TTC28: variants seen among roughly 807,000 people sequenced by gnomAD.
TTC28 encodes tetratricopeptide repeat protein 28.
In TTC28, 61 loss-of-function variants were observed where a neutral mutation model predicts 198.0. The ratio of observed to expected loss-of-function variants is 0.31; its 90% CI spans 0.25 to 0.38. The LOEUF (loss-of-function observed/expected upper bound fraction) is 0.38. TTC28 is among the 10% of genes least tolerant of loss of function. The pLI, the probability that TTC28 is intolerant of heterozygous loss-of-function variation, is 1.00. For synonymous variants in TTC28, 1,171 were observed against 1,297.8 expected (o/e 0.90, Z 2.10); for missense variants, 2,678 against 3,164.0 (o/e 0.85, Z 3.69).
At chr22:28,621,419 C>T (rs1382666204) in intron 2 of TTC28, among the ~76,000 whole-genome samples, 1 of 151,810 alleles carries the variant, frequency 6.6e-6, no homozygotes, top group Non-Finnish European at 1.5e-5. Context: ...ATATGAAATA[C>T]ATTTAAGAAA....
chr22:28,158,448 C>A (rs974985906), intron 6 of TTC28, among the ~76,000 whole-genome samples: 2 of 152,020 alleles, frequency 1.3e-5, no homozygotes, highest in African/African-American at 4.8e-5. Flanking sequence ...CCCAGAATAG[C>A]CAAAGCTATC....
chr22:28,634,513 A>C (rs1051791593), intron 1 of TTC28, among the ~76,000 whole-genome samples: 1 of 151,372 alleles, frequency 6.6e-6, no homozygotes, highest in African/African-American at 2.4e-5. Context: ...CTCAAAAAAA[A>C]AAAAAAAAAA....
At chr22:27,990,137 G>C in intron 20 of TTC28, 130 bp from the exon 21 acceptor site, 1 of 1,260,050 alleles carries the variant, frequency 7.9e-7, no homozygotes, top group Non-Finnish European at 1.1e-6. Context: ...TGTAGCATTT[G>C]AGATTCTTTT....
intron 2 of TTC28, among the ~76,000 whole-genome samples, chr22:28,619,772 G>A (rs114208111): frequency 6.6e-6 from 1 of 152,140 alleles, no homozygotes; most frequent in African/African-American, 2.4e-5. Context: ...GTCCCTATCA[G>A]AGCAACATAA....
chr22:28,368,865 T>C (rs2046286612), intron 2 of TTC28, among the ~76,000 whole-genome samples: 2 of 151,946 alleles, frequency 1.3e-5, no homozygotes, highest in Admixed American at 6.6e-5. Context: ...ATGGAAACTA[T>C]AAAACACTGA....
At chr22:28,035,410 A>G (rs1297995801) in intron 12 of TTC28, among the ~76,000 whole-genome samples, 1 of 152,212 alleles carries the variant, frequency 6.6e-6, no homozygotes, top group East Asian at 1.9e-4. Flanking sequence ...GCAGTTGGTA[A>G]AACTTCAGAA....
At chr22:28,135,039 C>T (rs1234698510) in intron 6 of TTC28, among the ~76,000 whole-genome samples, 1 of 152,046 alleles carries the variant, frequency 6.6e-6, no homozygotes, top group African/African-American at 2.4e-5. Context: ...TAAGATCTTC[C>T]TAGTTCTTGG....
At chr22:28,199,554 C>A (rs985963635) in intron 5 of TTC28, among the ~76,000 whole-genome samples, 1 of 124,628 alleles carries the variant, frequency 8.0e-6, no homozygotes, top group African/African-American at 3.0e-5. Context: ...TATATACACA[C>A]AAACACTAAA....
intron 2 of TTC28, among the ~76,000 whole-genome samples, chr22:28,497,326 C>A (rs1398727538): frequency 6.6e-6 from 1 of 152,034 alleles, no homozygotes; most frequent in Admixed American, 6.6e-5. Flanking sequence ...TAAATTATTT[C>A]TTAACACTAG....
At chr22:28,397,977 G>C (rs912538137) in intron 2 of TTC28, among the ~76,000 whole-genome samples, 1 of 152,102 alleles carries the variant, frequency 6.6e-6, no homozygotes, top group African/African-American at 2.4e-5. Flanking sequence ...TTATTAATCA[G>C]GTCTGAACAT....
intron 2 of TTC28, among the ~76,000 whole-genome samples, chr22:28,431,535 C>T (rs2047429449): frequency 6.6e-6 from 1 of 152,196 alleles, no homozygotes; most frequent in African/African-American, 2.4e-5. Context: ...CATGTAATTA[C>T]ACACAGTCAA....
chr22:28,271,662 T>C (rs1601558886), intron 5 of TTC28, among the ~76,000 whole-genome samples: 1 of 152,224 alleles, frequency 6.6e-6, no homozygotes, highest in East Asian at 1.9e-4. Context: ...TGGAGTGCAA[T>C]GGCATGATCT....
At chr22:28,401,772 CA>C (rs1366451819) in intron 2 of TTC28, among the ~76,000 whole-genome samples, 1 of 151,724 alleles carries the variant, frequency 6.6e-6, no homozygotes, top group Non-Finnish European at 1.5e-5. Flanking sequence ...CCCATCTCTA[CA>C]AAAAAAATTT....
At chr22:28,501,023 T>C (rs1001437818) in intron 2 of TTC28, among the ~76,000 whole-genome samples, 4 of 152,190 alleles carry the variant, frequency 2.6e-5, no homozygotes, top group African/African-American at 9.6e-5. Flanking sequence ...GGCATGAAGT[T>C]TGAACATCTT....
intron 7 of TTC28, 108 bp from the exon 8 acceptor site, chr22:28,105,910 G>T: frequency 7.8e-7 from 1 of 1,290,288 alleles, no homozygotes; most frequent in Non-Finnish European, 1.0e-6. Context: ...TACTATAGAA[G>T]CTCTTAACTC....
chr22:28,184,713 T>G (rs546577337), intron 5 of TTC28, among the ~76,000 whole-genome samples: 1 of 152,128 alleles, frequency 6.6e-6, no homozygotes, highest in Non-Finnish European at 1.5e-5. Context: ...TATGATCAAA[T>G]TATTCATCAT....
At chr22:28,670,741 C>G (rs2051867134) in intron 1 of TTC28, among the ~76,000 whole-genome samples, 2 of 133,256 alleles carry the variant, frequency 1.5e-5, no homozygotes, top group Non-Finnish European at 3.3e-5. Flanking sequence ...AATTACTGGG[C>G]CATATGGCAA....
intron 2 of TTC28, among the ~76,000 whole-genome samples, chr22:28,363,497 G>A (rs556062465): frequency 4.4e-4 from 67 of 152,252 alleles, no homozygotes; most frequent in African/African-American, 1.4e-3. Flanking sequence ...ATGTGGGGTC[G>A]AAGCCCCCAC....
At chr22:28,652,100 A>G (rs1300637366) in intron 1 of TTC28, among the ~76,000 whole-genome samples, 2 of 152,200 alleles carry the variant, frequency 1.3e-5, no homozygotes, top group African/African-American at 4.8e-5. Context: ...TTGGCCTCCC[A>G]AAGTGCTGGG....
Sources: gnomAD v4.1 joint callset for allele counts (sites outside exome capture counted in the v4.1 genomes callset) on GRCh38, gnomAD v4.1.1 for gene constraint, MANE v1.5 for transcripts, NCBI Gene and HGNC (gene_info 2026-07-23, HGNC 2026-07-21) for gene names.